The following VAV3 variants were observed in gnomAD, a reference collection of about 807,000 sequenced individuals.
VAV3 encodes the protein guanine nucleotide exchange factor VAV3.
A neutral mutation model predicts 131.2 loss-of-function variants in VAV3; 94 were observed. That is an observed-to-expected ratio of 0.72 (90% CI 0.61 to 0.85). VAV3 has a LOEUF of 0.85. Ranked by LOEUF, VAV3 falls within the 40% of genes least tolerant of loss-of-function variation. The pLI, the probability that VAV3 is intolerant of heterozygous loss-of-function variation, is 0.00. For missense variants in VAV3, 939 were observed against 1,002.7 expected (o/e 0.94, Z 0.86); for synonymous variants, 349 against 342.0 (o/e 1.02, Z -0.22).
intron 2 of VAV3, among the ~76,000 whole-genome samples, chr1:107,827,852 A>G (rs1251542164): frequency 6.6e-6 from 1 of 152,214 alleles, no homozygotes; most frequent in Admixed American, 6.5e-5. Flanking sequence ...AATGGGAGCT[A>G]AAATATTTTA....
intron 1 of VAV3, among the ~76,000 whole-genome samples, chr1:107,958,518 G>A (rs1033701869): frequency 2.0e-5 from 3 of 152,098 alleles, no homozygotes; most frequent in Non-Finnish European, 4.4e-5. Context: ...TGTTCAAAGG[G>A]CAACACTGTA....
chr1:107,617,655 A>G (rs371607823), intron 20 of VAV3, 23 bp from the exon 21 acceptor site: 3 of 1,606,310 alleles, frequency 1.9e-6, no homozygotes, highest in Non-Finnish European at 1.7e-6. Flanking sequence ...AAAAAATGCC[A>G]GTGTTGAGAA....
At chr1:107,900,870 A>C (rs1176434240) in intron 1 of VAV3, among the ~76,000 whole-genome samples, 1 of 152,172 alleles carries the variant, frequency 6.6e-6, no homozygotes, top group African/African-American at 2.4e-5. Flanking sequence ...TATACAAGAA[A>C]ATAGTGTCCA....
At chr1:107,772,940 G>A (rs1665137783) in intron 4 of VAV3, 97 bp from the exon 5 acceptor site, 2 of 1,036,398 alleles carry the variant, frequency 1.9e-6, no homozygotes, top group Non-Finnish European at 2.8e-6. Flanking sequence ...ATCCAGAAAG[G>A]AAATAAAATG....
intron 15 of VAV3, among the ~76,000 whole-genome samples, chr1:107,729,689 T>C (rs1662101796): frequency 6.6e-6 from 1 of 152,218 alleles, no homozygotes; most frequent in Non-Finnish European, 1.5e-5. Context: ...TTTGTGATTA[T>C]TTAACAAGAT....
chr1:107,779,845 A>G (rs1225199550), intron 2 of VAV3, among the ~76,000 whole-genome samples: 1 of 152,194 alleles, frequency 6.6e-6, no homozygotes, highest in Non-Finnish European at 1.5e-5. Flanking sequence ...ATTCTCCAGT[A>G]TAGTACCCAC....
intron 20 of VAV3, among the ~76,000 whole-genome samples, chr1:107,624,986 G>A (rs1653902846): frequency 6.6e-6 from 1 of 152,064 alleles, no homozygotes; most frequent in South Asian, 2.1e-4. Flanking sequence ...TAATTTGATA[G>A]GATTAGGGAG....
intron 1 of VAV3, among the ~76,000 whole-genome samples, chr1:107,944,245 T>C (rs1052657653): frequency 1.3e-5 from 2 of 152,222 alleles, no homozygotes; most frequent in African/African-American, 4.8e-5. Flanking sequence ...CCTCTCCCCA[T>C]GTGGTAAGCC....
At chr1:107,636,289 A>G (rs1654925770) in intron 20 of VAV3, among the ~76,000 whole-genome samples, 1 of 152,214 alleles carries the variant, frequency 6.6e-6, no homozygotes, top group South Asian at 2.1e-4. Context: ...TAGAAACTCC[A>G]CAGTGGAGAT....
At chr1:107,845,260 G>T (rs182743167) in intron 2 of VAV3, among the ~76,000 whole-genome samples, 14 of 152,102 alleles carry the variant, frequency 9.2e-5, no homozygotes, top group Non-Finnish European at 2.1e-4. Flanking sequence ...CAACATCAAC[G>T]AAAAGGACGT....
At chr1:107,766,315 G>A (rs1295204066) in intron 8 of VAV3, 132 bp downstream of exon 8, 11 of 600,644 alleles carry the variant, frequency 1.8e-5, no homozygotes, top group Non-Finnish European at 2.9e-5. Flanking sequence ...GAAAGTAATT[G>A]TCCCACGTTC....
chr1:107,853,001 T>C (rs1339692491), intron 2 of VAV3, among the ~76,000 whole-genome samples: 1 of 152,182 alleles, frequency 6.6e-6, no homozygotes, highest in African/African-American at 2.4e-5. Context: ...TGTAGGTTTT[T>C]TTTTTAATTT....
At chr1:107,939,855 C>A (rs1298218281) in intron 1 of VAV3, among the ~76,000 whole-genome samples, 1 of 151,992 alleles carries the variant, frequency 6.6e-6, no homozygotes, top group Non-Finnish European at 1.5e-5. Context: ...TCTCCCCCCA[C>A]CCCCATGCAC....
rs149440635 is a variant in VAV3, at chr1:107,577,187, A to G, written c.2351-2989T>C. Reference sequence around the variant, plus strand: ...AAGTGCCATACTCAGTATTTCACTTAATTGTCACAGCTCTAAGAGGAAGGT... The same window carrying G: ...AAGTGCCATACTCAGTATTTCACTTGATTGTCACAGCTCTAAGAGGAAGGT... On this transcript the variant is annotated intron_variant, in intron 25 of 26. Coordinates refer to ENST00000370056, the MANE Select transcript of VAV3 (RefSeq NM_006113.5). Among the ~76,000 whole-genome samples, 150 of 152,346 alleles carry G rather than the reference A, an allele frequency of 9.8e-4. 1 individual carries two copies. Among genetic ancestry groups the G allele is most frequent in the African/African-American group, 3.5e-3 (146 of 41,576 alleles).
At chr1:107,681,494 A>G (rs868189094) in intron 19 of VAV3, among the ~76,000 whole-genome samples, 131 of 152,310 alleles carry the variant, frequency 8.6e-4, no homozygotes, top group African/African-American at 3.0e-3. Context: ...CTTTAAATAC[A>G]TAAGTCAAGC....
chr1:107,842,221 CATTT>C (rs35709018), intron 2 of VAV3, among the ~76,000 whole-genome samples: 227 of 152,270 alleles, frequency 1.5e-3, no homozygotes, highest in Admixed American at 4.3e-3. Context: ...TTGCTTTAAA[CATTT>C]AGTTCCCAAA....
In VAV3 at chr1:107,704,660, G is replaced by C; in HGVS notation, c.1605-10C>G. 4 of 1,604,004 alleles carry C rather than the reference G, an allele frequency of 2.5e-6. No homozygotes were observed. The highest frequency in any genetic ancestry group is 3.4e-6 in the Non-Finnish European group (4 of 1,172,536). ...TTGATAAAATGTTCCCCTGAAAGGT[G>C]AAATAAGAAAGTGGTATATTAAACG... On this transcript the variant is annotated splice_polypyrimidine_tract_variant and intron_variant, in intron 16 of 26. Transcript: ENST00000370056.
intron 10 of VAV3, 84 bp from the exon 11 acceptor site, chr1:107,757,413 T>A: frequency 3.6e-6 from 4 of 1,122,796 alleles, no homozygotes; most frequent in Non-Finnish European, 5.1e-6. Flanking sequence ...AAATAAACCA[T>A]TATTATTGGT....
intron 2 of VAV3, among the ~76,000 whole-genome samples, chr1:107,829,505 T>G (rs1358404768): frequency 6.6e-6 from 1 of 152,210 alleles, no homozygotes; most frequent in Non-Finnish European, 1.5e-5. Context: ...AAGTACACCA[T>G]TAAGTACTAA....
Sources: allele counts gnomAD v4.1 joint callset (sites outside exome capture counted in the v4.1 genomes callset), GRCh38; gene constraint gnomAD v4.1.1; transcripts MANE v1.5; gene names NCBI Gene and HGNC (gene_info 2026-07-23, HGNC 2026-07-21).